The following PALMD variants were observed in gnomAD, a reference collection of about 807,000 sequenced individuals.
PALMD encodes the protein paralemmin-like protein.
A neutral mutation model predicts 56.2 loss-of-function variants in PALMD; 42 were observed. The observed-to-expected ratio is 0.75, with a 90% CI of 0.58 to 0.97. The LOEUF is 0.97. PALMD is among the 50% of genes least tolerant of loss of function. The probability of loss-of-function intolerance (pLI) is 0.00; values close to 1 mark genes in which losing one functional copy is unlikely to be tolerated. For synonymous variants in PALMD, 242 were observed against 222.9 expected (o/e 1.09, Z -0.76); for missense variants, 660 against 643.8 (o/e 1.03, Z -0.27).
intron 1 of PALMD, among the ~76,000 whole-genome samples, chr1:99,657,001 A>C (rs1652739351): frequency 6.6e-6 from 1 of 152,180 alleles, no homozygotes; most frequent in African/African-American, 2.4e-5. Flanking sequence ...ACCAAGTCCT[A>C]TTACAAATAA....
At chr1:99,675,641 C>T (rs566782621) in intron 3 of PALMD, among the ~76,000 whole-genome samples, 1 of 152,194 alleles carries the variant, frequency 6.6e-6, no homozygotes, top group South Asian at 2.1e-4. Flanking sequence ...CCATAACAAA[C>T]CAATCCTTCA....
rs1436559183 is a variant in PALMD, at chr1:99,646,171, C to A, written c.-147C>A. On this transcript the variant is annotated 5_prime_UTR_variant, in exon 1 of 8. Transcript: ENST00000263174. Reference sequence around the variant, plus strand: ...CTGCTCGGAGACGCTCCTGACAAGTCGGGAATTTCTCTATTTCTCCACTGG... The same window carrying A: ...CTGCTCGGAGACGCTCCTGACAAGTAGGGAATTTCTCTATTTCTCCACTGG... 1.5e-6 allele frequency: 1 copy of A among 672,742 alleles called. No individual in the cohort carries two copies. The highest frequency in any genetic ancestry group is 2.7e-6 in the Non-Finnish European group (1 of 376,272). The allele number at this position is 672,742 out of a possible 1,614,324, so 41.7% of individuals were successfully genotyped here.
chr1:99,663,671 G>A (rs1424543434), intron 2 of PALMD, among the ~76,000 whole-genome samples: 1 of 151,994 alleles, frequency 6.6e-6, no homozygotes, highest in Non-Finnish European at 1.5e-5. Flanking sequence ...TAAAATGATA[G>A]CTCTCTAGCT....
chr1:99,663,134 G>T (rs1652884264), intron 2 of PALMD, among the ~76,000 whole-genome samples: 2 of 152,136 alleles, frequency 1.3e-5, no homozygotes, highest in Non-Finnish European at 1.5e-5. Context: ...ATGATACAAA[G>T]CTGCACACTC....
chr1:99,688,097 A>G (rs1006159985), intron 6 of PALMD, among the ~76,000 whole-genome samples: 1 of 152,132 alleles, frequency 6.6e-6, no homozygotes, highest in African/African-American at 2.4e-5. Flanking sequence ...CATTTGTCTC[A>G]GTGCAGCTGA....
intron 2 of PALMD, among the ~76,000 whole-genome samples, chr1:99,663,433 TA>T (rs573374790): frequency 0.014 from 2,127 of 147,184 alleles, 22 homozygotes; most frequent in South Asian, 0.042. Flanking sequence ...CAATGAAATT[TA>T]AAAAAAAAAA....
chr1:99,690,424 TTA>T (rs1248481761), intron 7 of PALMD, among the ~76,000 whole-genome samples: 1 of 152,174 alleles, frequency 6.6e-6, no homozygotes, highest in Non-Finnish European at 1.5e-5. Context: ...TTAGTTTATT[TTA>T]TGTTTTCTAT....
intron 3 of PALMD, among the ~76,000 whole-genome samples, chr1:99,674,985 C>T (rs1266632752): frequency 6.6e-6 from 1 of 152,222 alleles, no homozygotes; most frequent in African/African-American, 2.4e-5. Context: ...AAAACTTCCA[C>T]ACCCACCCCC....
chr1:99,687,321 ATGTG>A, intron 6 of PALMD, 132 bp downstream of exon 6: 2 of 956,464 alleles, frequency 2.1e-6, no homozygotes, highest in Non-Finnish European at 3.0e-6. Context: ...TCTGTGAGTT[ATGTG>A]AGTCACCGCA....
intron 1 of PALMD, among the ~76,000 whole-genome samples, chr1:99,655,951 C>G (rs1652715819): frequency 3.1e-5 from 1 of 32,598 alleles, no homozygotes; most frequent in Non-Finnish European, 8.0e-5. Context: ...CACACACATG[C>G]ACACACACAC....
intron 1 of PALMD, among the ~76,000 whole-genome samples, chr1:99,659,206 T>A (rs909221398): frequency 3.3e-5 from 5 of 152,220 alleles, no homozygotes; most frequent in Non-Finnish European, 7.3e-5. Context: ...AATATGTGAT[T>A]GTGTTAATAT....
intron 3 of PALMD, among the ~76,000 whole-genome samples, chr1:99,673,172 A>C (rs1470631422): frequency 1.3e-5 from 2 of 152,236 alleles, no homozygotes; most frequent in Admixed American, 1.3e-4. Flanking sequence ...AGAGCAGGCA[A>C]AATTCAATTC....
intron 7 of PALMD, among the ~76,000 whole-genome samples, chr1:99,691,992 A>G (rs1653662341): frequency 6.6e-6 from 1 of 152,200 alleles, no homozygotes; most frequent in African/African-American, 2.4e-5. Flanking sequence ...AAAATTTTGA[A>G]CAGAGTAAGA....
At position 99,673,634 on chromosome 1, in the gene PALMD, C is replaced by T. The variant is rs530755723; in HGVS notation, c.251+5868C>T. 2.0e-5 allele frequency among the ~76,000 whole-genome samples: 3 copies of T among 152,218 alleles called. No homozygotes were observed. The South Asian group carries it at 6.2e-4, about 32-fold the overall frequency. On this transcript the variant is annotated intron_variant, in intron 3 of 7. Transcript: ENST00000263174. ...CTCCATATTTGACTAATTGGTTTAC[C>T]AGATTTGTAATAGTTCATCTGTTGT...
chr1:99,688,207 C>G (rs1557675486), intron 6 of PALMD, among the ~76,000 whole-genome samples: 3 of 152,074 alleles, frequency 2.0e-5, no homozygotes. Flanking sequence ...AGCCTTCTCC[C>G]TCCCGTTTCC....
intron 3 of PALMD, among the ~76,000 whole-genome samples, chr1:99,671,394 A>C (rs1653085052): frequency 6.6e-6 from 1 of 152,144 alleles, no homozygotes; most frequent in Non-Finnish European, 1.5e-5. Flanking sequence ...TTTGAGCCTC[A>C]GTTTCCTTGC....
Position 99,662,308 on chromosome 1 carries a change from T to C in PALMD, c.46-11T>C, listed in dbSNP as rs768156678. The C allele has an allele frequency of 2.1e-6, 3 of 1,427,732 alleles. No individual in the cohort carries two copies. The Admixed American group carries it at 5.4e-5, about 26-fold the overall frequency. 88.4% of individuals were successfully genotyped at this position (1,427,732 alleles called of 1,614,324 possible). A position where few individuals can be genotyped will look rare whatever the true frequency, so the allele number is the denominator to read the frequency against. On this transcript the variant is annotated splice_polypyrimidine_tract_variant and intron_variant, in intron 1 of 7. Transcript: ENST00000263174. ...TTAAAAATAAAATATACTGGAACTT[T>C]TTTATTTCAGGATAAAAGAAAAATA...
chr1:99,655,075 C>A (rs1652687909), intron 1 of PALMD, among the ~76,000 whole-genome samples: 1 of 152,130 alleles, frequency 6.6e-6, no homozygotes, highest in South Asian at 2.1e-4. Context: ...AGATAACCTG[C>A]AACCAGACCC....
At chr1:99,677,836 G>A (rs11166292) in intron 3 of PALMD, among the ~76,000 whole-genome samples, 5,576 of 152,212 alleles carry the variant, frequency 0.037, 279 homozygotes, top group African/African-American at 0.12. Context: ...AAAAGACTAG[G>A]ATGTTCTTTC....
Sources: gnomAD v4.1 joint callset for allele counts (sites outside exome capture counted in the v4.1 genomes callset) on GRCh38, gnomAD v4.1.1 for gene constraint, MANE v1.5 for transcripts, NCBI Gene and HGNC (gene_info 2026-07-23, HGNC 2026-07-21) for gene names.